RCBTB1: variants seen among roughly 807,000 people sequenced by gnomAD.
RCBTB1 encodes RCC1 and BTB domain-containing protein 1.
A neutral mutation model predicts 62.4 loss-of-function variants in RCBTB1; 46 were observed. The observed-to-expected ratio is 0.74, with a 90% CI of 0.58 to 0.94. RCBTB1 has a LOEUF of 0.94. Ranked by LOEUF, RCBTB1 falls within the 40% of genes least tolerant of loss-of-function variation. The probability of loss-of-function intolerance (pLI) is 0.00; values close to 1 mark genes in which losing one functional copy is unlikely to be tolerated. For missense variants in RCBTB1, 565 were observed against 654.9 expected, an observed-to-expected ratio of 0.86 and a Z score of 1.50; for synonymous variants, 222 against 245.8, an observed-to-expected ratio of 0.90 and a Z score of 0.91.
chr13:49,565,892 A>G (rs962114930), intron 4 of RCBTB1, among the ~76,000 whole-genome samples: 1 of 144,622 alleles, frequency 6.9e-6, no homozygotes, highest in Non-Finnish European at 1.5e-5. Flanking sequence ...AAGTAGACAT[A>G]GGAGACTCCA....
chr13:49,552,556 T>A (rs935083362), intron 6 of RCBTB1, among the ~76,000 whole-genome samples: 3 of 152,080 alleles, frequency 2.0e-5, no homozygotes, highest in Admixed American at 2.0e-4. Context: ...TCACTAACAA[T>A]TATTAAGTAC....
At chr13:49,582,071 T>C (rs568260685) in intron 1 of RCBTB1, among the ~76,000 whole-genome samples, 1 of 152,318 alleles carries the variant, frequency 6.6e-6, no homozygotes, top group Non-Finnish European at 1.5e-5. Context: ...AATGTAAACA[T>C]TGTTAGAGGC....
rs1227272993 is a variant in RCBTB1 at position 49,532,175 on chromosome 13, TAA to T, written c.*1945_*1946del. The T allele has an allele frequency of 7.0e-6, 1 of 142,156 alleles. No homozygotes were observed. The highest frequency in any genetic ancestry group is 1.6e-5 in the Non-Finnish European group (1 of 64,330). 8.8% of individuals were successfully genotyped at this position (142,156 alleles called of 1,614,324 possible). On this transcript the variant is annotated 3_prime_UTR_variant, in exon 13 of 13. Transcript: ENST00000378302. ...ATTAACAAAAAAACAAGTAGAAAAA[TAA>T]GAGAGTGTATTTAAAAAAAATAATC...
intron 9 of RCBTB1, among the ~76,000 whole-genome samples, chr13:49,545,343 G>A (rs931342365): frequency 6.6e-6 from 1 of 152,146 alleles, no homozygotes; most frequent in Non-Finnish European, 1.5e-5. Flanking sequence ...AAGCGGTCAT[G>A]TTCTCAAGCA....
chr13:49,575,000 T>C (rs1459023394), intron 2 of RCBTB1, among the ~76,000 whole-genome samples: 2 of 152,162 alleles, frequency 1.3e-5, no homozygotes, highest in Admixed American at 1.3e-4. Flanking sequence ...TCCACTTACA[T>C]GAGGTACCTA....
intron 4 of RCBTB1, among the ~76,000 whole-genome samples, chr13:49,563,333 CAGAGAG>C (rs59088183): frequency 8.7e-6 from 1 of 115,540 alleles, no homozygotes; most frequent in African/African-American, 3.3e-5. Context: ...GCCTGGGTGA[CAGAGAG>C]AGAGAGACCC....
chr13:49,548,913 A>T lies in RCBTB1; in HGVS notation c.1045+545T>A, dbSNP rs1281595604. 2.7e-4 allele frequency among the ~76,000 whole-genome samples: 29 copies of T among 107,952 alleles called. 2 individuals are homozygous for T. Among genetic ancestry groups the T allele is most frequent in the Admixed American group, 2.4e-3 (29 of 12,336 alleles). The allele number at this position is 107,952 out of a possible 152,430, so 70.8% of individuals were successfully genotyped here. A position where few individuals can be genotyped will look rare whatever the true frequency, so the allele number is the denominator to read the frequency against. On this transcript the variant is annotated intron_variant, in intron 9 of 12. Transcript: ENST00000378302. ...GGCCAGGCACAGTGGCAGGTGGATC[A>T]CCTGAGGTCAGGAGTTCGAGAACAG...
In RCBTB1 at chr13:49,532,673, C is replaced by G. The variant is rs1032217024; in HGVS notation, c.*1449G>C. 6.6e-6 allele frequency: 1 copy of G among 152,114 alleles called. No homozygotes were observed. Among genetic ancestry groups the G allele is most frequent in the African/African-American group, 2.4e-5 (1 of 41,418 alleles). 9.4% of individuals were successfully genotyped at this position (152,114 alleles called of 1,614,324 possible). On this transcript the variant is annotated 3_prime_UTR_variant, in exon 13 of 13. Transcript: ENST00000378302. The stretch of plus-strand genomic sequence containing the variant: ...CTTTAGGGCCTCACTCCCCTTCCCA[C>G]CCCAATAGACACAAATTTAAAAACA...
intron 12 of RCBTB1, among the ~76,000 whole-genome samples, chr13:49,536,918 C>T (rs1354317152): frequency 6.6e-6 from 1 of 152,036 alleles, no homozygotes; most frequent in Non-Finnish European, 1.5e-5. Context: ...GAAACTATTC[C>T]AATTCAATAT....
At chr13:49,576,535 G>C (rs1371833350) in intron 2 of RCBTB1, among the ~76,000 whole-genome samples, 1 of 152,108 alleles carries the variant, frequency 6.6e-6, no homozygotes, top group African/African-American at 2.4e-5. Context: ...TCTCAACGGA[G>C]CATTTATAAA....
At chr13:49,561,978 C>T (rs1331523462) in intron 4 of RCBTB1, among the ~76,000 whole-genome samples, 1 of 151,566 alleles carries the variant, frequency 6.6e-6, no homozygotes, top group Admixed American at 6.6e-5. Context: ...TAGCGCGCAC[C>T]TGTAATCCCA....
chr13:49,536,838 A>T (rs1379406089), intron 12 of RCBTB1, among the ~76,000 whole-genome samples: 1 of 152,284 alleles, frequency 6.6e-6, no homozygotes, highest in Non-Finnish European at 1.5e-5. Context: ...TATTGTCATT[A>T]GCAAAGAAGA....
At position 49,532,293 on chromosome 13, in the gene RCBTB1, A is replaced by T. The variant is rs886326981; in HGVS notation, c.*1829T>A. On this transcript the variant is annotated 3_prime_UTR_variant, in exon 13 of 13. Coordinates refer to ENST00000378302, the MANE Select transcript of RCBTB1 (RefSeq NM_018191.4). ...TAATATGAGAAGTGGTCCTTCACTT[A>T]TATTAGGAACTTGGTAAATATTTGT... is the stretch of plus-strand genomic sequence containing the variant. The T allele has an allele frequency of 1.3e-5, 2 of 152,658 alleles. No individual in the cohort carries two copies. The highest frequency in any genetic ancestry group is 4.8e-5 in the African/African-American group (2 of 41,468). The allele number at this position is 152,658 out of a possible 1,614,324, so 9.5% of individuals were successfully genotyped here.
chr13:49,549,104 C>A (rs1215764225), intron 9 of RCBTB1, among the ~76,000 whole-genome samples: 6 of 135,618 alleles, frequency 4.4e-5, no homozygotes, highest in Admixed American at 4.3e-4. Flanking sequence ...TGCACTCCAG[C>A]CTGGGCGACA....
At chr13:49,534,378 G>C in intron 12 of RCBTB1, 116 bp from the exon 13 acceptor site, 1 of 1,082,070 alleles carries the variant, frequency 9.2e-7, no homozygotes, top group Admixed American at 2.5e-5. Flanking sequence ...AAAGATATTT[G>C]AGAGGCCAGA....
intron 8 of RCBTB1, chr13:49,550,280 A>G (rs1232142171): frequency 4.6e-6 from 1 of 216,966 alleles, no homozygotes; most frequent in Non-Finnish European, 7.9e-6. Flanking sequence ...TGCCTGGCCC[A>G]TTTCTTTATA....
chr13:49,578,162 T>C (rs1963896188), intron 2 of RCBTB1, among the ~76,000 whole-genome samples: 1 of 152,228 alleles, frequency 6.6e-6, no homozygotes, highest in Non-Finnish European at 1.5e-5. Context: ...CTCAAGTCCC[T>C]GATAGAAAAT....
intron 5 of RCBTB1, among the ~76,000 whole-genome samples, chr13:49,558,695 C>CAAA (rs1186659232): frequency 0.021 from 1,226 of 59,304 alleles, 63 homozygotes; most frequent in African/African-American, 0.077. Context: ...ACTCTGTCTC[C>CAAA]AAAAAAAAAA....
chr13:49,559,777 G>A (rs750461550), intron 5 of RCBTB1, 141 bp downstream of exon 5: 57 of 686,298 alleles, frequency 8.3e-5, no homozygotes, highest in Non-Finnish European at 1.3e-4. Flanking sequence ...GTGCATGCTG[G>A]TGACAGTTGT....
Sources: gnomAD v4.1 joint callset for allele counts (sites outside exome capture counted in the v4.1 genomes callset) on GRCh38, gnomAD v4.1.1 for gene constraint, MANE v1.5 for transcripts, NCBI Gene and HGNC (gene_info 2026-07-23, HGNC 2026-07-21) for gene names.